The following GPC5 variants were observed in gnomAD, a reference collection of about 807,000 sequenced individuals.
The protein encoded by GPC5 is glypican 5.
A neutral mutation model predicts 53.9 loss-of-function variants in GPC5; 47 were observed. The ratio of observed to expected loss-of-function variants is 0.87; its 90% CI spans 0.69 to 1.11. The LOEUF (loss-of-function observed/expected upper bound fraction) is 1.11, where lower values mean the gene tolerates loss of function less well. GPC5 is among the 50% of genes most tolerant of loss of function. GPC5 has a pLI of 0.00. For missense variants in GPC5, 748 were observed against 713.1 expected, an observed-to-expected ratio of 1.05 and a Z score of -0.56; for synonymous variants, 286 against 263.3, an observed-to-expected ratio of 1.09 and a Z score of -0.84.
intron 5 of GPC5, among the ~76,000 whole-genome samples, chr13:91,895,096 G>C (rs542031500): frequency 6.7e-6 from 1 of 150,374 alleles, no homozygotes; most frequent in Non-Finnish European, 1.5e-5. Context: ...GAGAAGGTCC[G>C]CCTGAGTGAA....
At chr13:92,050,352 A>G (rs911856537) in intron 6 of GPC5, among the ~76,000 whole-genome samples, 1 of 152,226 alleles carries the variant, frequency 6.6e-6, no homozygotes. Context: ...AAGGAATAGC[A>G]TATCCAGACA....
chr13:92,790,993 GA>G (rs1876440912), intron 7 of GPC5, among the ~76,000 whole-genome samples: 1 of 152,072 alleles, frequency 6.6e-6, no homozygotes, highest in Non-Finnish European at 1.5e-5. Flanking sequence ...GGAAGTGGAA[GA>G]CAATTCTTAT....
intron 2 of GPC5, among the ~76,000 whole-genome samples, chr13:91,680,022 G>A (rs938248548): frequency 1.1e-4 from 16 of 152,014 alleles, no homozygotes; most frequent in Admixed American, 3.3e-4. Context: ...AAAATTGAAC[G>A]AAATGAGTCT....
chr13:92,298,328 A>G lies in GPC5; in HGVS notation c.1561+153339A>G, dbSNP rs991370792. Among the ~76,000 whole-genome samples, 14 of 152,198 alleles carry G rather than the reference A, an allele frequency of 9.2e-5. No individual in the cohort carries two copies. The East Asian group carries it at 2.3e-3, about 25-fold the overall frequency. Reference sequence around the variant, plus strand: ...CACGCCAGATTCATGCCCTCCCCCAAGTTCTGTTCAGGAGGCTTCTCAATC... The same window carrying G: ...CACGCCAGATTCATGCCCTCCCCCAGGTTCTGTTCAGGAGGCTTCTCAATC... On this transcript the variant is annotated intron_variant, in intron 7 of 7. Transcript: ENST00000377067.
At chr13:91,877,899 G>T (rs138945693) in intron 5 of GPC5, among the ~76,000 whole-genome samples, 4 of 152,114 alleles carry the variant, frequency 2.6e-5, no homozygotes, top group African/African-American at 9.7e-5. Flanking sequence ...CATGGGGGCC[G>T]GTCTTTCCTG....
chr13:92,173,501 G>A lies in GPC5; in HGVS notation c.1561+28512G>A, dbSNP rs542816347. ...TCAGTGGGGAGTCTGGCACCTGCCT[G>A]GACAAACCCTTTCCTTTTGTTCTTC... On this transcript the variant is annotated intron_variant, in intron 7 of 7. Coordinates refer to ENST00000377067, the MANE Select transcript of GPC5 (RefSeq NM_004466.6). Among the ~76,000 whole-genome samples, 3 of 152,214 alleles carry A rather than the reference G, an allele frequency of 2.0e-5. No individual in the cohort carries two copies. In the East Asian group the frequency reaches 5.8e-4, roughly 29 times the overall value.
intron 2 of GPC5, among the ~76,000 whole-genome samples, chr13:91,467,026 ACG>A (rs1264548814): frequency 6.6e-6 from 1 of 152,166 alleles, no homozygotes; most frequent in Non-Finnish European, 1.5e-5. Context: ...CTTGCTTTAC[ACG>A]CCTGCATTGA....
chr13:91,596,334 A>G (rs1220216732), intron 2 of GPC5, among the ~76,000 whole-genome samples: 1 of 152,246 alleles, frequency 6.6e-6, no homozygotes, highest in African/African-American at 2.4e-5. Context: ...TATTATGGCT[A>G]GATCACATGC....
At chr13:92,379,452 A>G (rs2043720339) in intron 7 of GPC5, among the ~76,000 whole-genome samples, 1 of 152,176 alleles carries the variant, frequency 6.6e-6, no homozygotes, top group Non-Finnish European at 1.5e-5. Flanking sequence ...CATTTGCACG[A>G]TTAGCACTAT....
intron 2 of GPC5, among the ~76,000 whole-genome samples, chr13:91,646,101 T>G (rs560179725): frequency 5.3e-5 from 8 of 152,308 alleles, no homozygotes; most frequent in African/African-American, 1.9e-4. Context: ...GAGGAGTGGC[T>G]AAACTCAGCA....
intron 3 of GPC5, among the ~76,000 whole-genome samples, chr13:91,723,477 C>CAA (rs111269990): frequency 0.02 from 3,026 of 148,170 alleles, 74 homozygotes; most frequent in Admixed American, 0.066. Flanking sequence ...TCTCTCCCTC[C>CAA]AAAAAAAAAA....
intron 4 of GPC5, among the ~76,000 whole-genome samples, chr13:91,750,674 CTT>C (rs752907631): frequency 2.4e-5 from 2 of 82,018 alleles, no homozygotes; most frequent in Admixed American, 1.6e-4. Context: ...TAGGTAAGTC[CTT>C]TTTTTTTTTT....
intron 7 of GPC5, among the ~76,000 whole-genome samples, chr13:92,545,927 A>T (rs1353810692): frequency 6.6e-6 from 1 of 152,124 alleles, no homozygotes; most frequent in East Asian, 1.9e-4. Flanking sequence ...TAGTTTAATT[A>T]GATCCCATTT....
chr13:92,161,039 GT>G (rs144315494), intron 7 of GPC5, among the ~76,000 whole-genome samples: 1,769 of 142,546 alleles, frequency 0.012, 7 homozygotes, highest in East Asian at 0.021. Flanking sequence ...GCTCAAAAGT[GT>G]TTTTTTTTTT....
intron 7 of GPC5, among the ~76,000 whole-genome samples, chr13:92,388,896 C>T (rs1399743627): frequency 6.6e-6 from 1 of 152,014 alleles, no homozygotes; most frequent in African/African-American, 2.4e-5. Context: ...ATGTTTTTGT[C>T]TGTGTTCAAA....
chr13:92,539,955 T>A (rs1292252629), intron 7 of GPC5, among the ~76,000 whole-genome samples: 2 of 151,984 alleles, frequency 1.3e-5, no homozygotes, highest in Non-Finnish European at 2.9e-5. Flanking sequence ...GATGGTAAGA[T>A]TCTTTTCTGA....
chr13:92,196,122 A>G (rs935010447), intron 7 of GPC5, among the ~76,000 whole-genome samples: 2 of 149,250 alleles, frequency 1.3e-5, no homozygotes, highest in African/African-American at 2.4e-5. Flanking sequence ...TTACATTTCT[A>G]TGTGTAATAT....
chr13:92,024,284 G>A (rs2040783455), intron 6 of GPC5, among the ~76,000 whole-genome samples: 1 of 152,072 alleles, frequency 6.6e-6, no homozygotes, highest in Non-Finnish European at 1.5e-5. Flanking sequence ...TTTAAACACT[G>A]TATTGGCACT....
At chr13:92,635,526 G>A (rs1398784748) in intron 7 of GPC5, among the ~76,000 whole-genome samples, 2 of 152,116 alleles carry the variant, frequency 1.3e-5, no homozygotes, top group African/African-American at 4.8e-5. Flanking sequence ...ATCAGGAACC[G>A]GCTCCCAAGA....
Sources: allele counts gnomAD v4.1 joint callset (sites outside exome capture counted in the v4.1 genomes callset), GRCh38; gene constraint gnomAD v4.1.1; transcripts MANE v1.5; gene names NCBI Gene and HGNC (gene_info 2026-07-23, HGNC 2026-07-21).